The following NVL variants were observed in gnomAD, a reference collection of about 807,000 sequenced individuals.
The protein encoded by NVL is nuclear VCP like.
NVL carries 84 observed loss-of-function variants against 110.2 expected under a neutral mutation model. The observed-to-expected ratio is 0.76, with a 90% confidence interval of 0.64 to 0.91. The LOEUF (loss-of-function observed/expected upper bound fraction) is 0.91. NVL is among the 40% of genes least tolerant of loss of function. The pLI, the probability that NVL is intolerant of heterozygous loss-of-function variation, is 0.00. For missense variants in NVL, 882 were observed against 1,035.9 expected (o/e 0.85, Z 2.04); for synonymous variants, 354 against 361.1 (o/e 0.98, Z 0.22).
intron 19 of NVL, among the ~76,000 whole-genome samples, chr1:224,243,930 A>G (rs1558245258): frequency 6.6e-6 from 1 of 151,828 alleles, no homozygotes; most frequent in Non-Finnish European, 1.5e-5. Flanking sequence ...AAAGTGCTGG[A>G]TTACAGGCGT....
chr1:224,251,628 A>T (rs898341228), intron 18 of NVL, among the ~76,000 whole-genome samples: 7 of 152,182 alleles, frequency 4.6e-5, no homozygotes, highest in Non-Finnish European at 1.0e-4. Flanking sequence ...CGACAGAGCA[A>T]GACTCTTGTC....
At chr1:224,236,448 T>G in intron 20 of NVL, 58 bp downstream of exon 20, 1 of 1,335,076 alleles carries the variant, frequency 7.5e-7, no homozygotes, top group Non-Finnish European at 1.1e-6. Context: ...ACCCCTCATT[T>G]TATAGATGAG....
At chr1:224,307,797 A>G (rs1669087508) in intron 6 of NVL, among the ~76,000 whole-genome samples, 194 bp downstream of exon 6, 1 of 151,962 alleles carries the variant, frequency 6.6e-6, no homozygotes, top group Admixed American at 6.6e-5. Flanking sequence ...TGTTTCAATA[A>G]TTAAGTCAAG....
intron 19 of NVL, among the ~76,000 whole-genome samples, chr1:224,246,548 T>C (rs1164630120): frequency 2.6e-5 from 4 of 152,212 alleles, no homozygotes; most frequent in African/African-American, 9.6e-5. Flanking sequence ...TAGAAATAAA[T>C]ACCAATCCAA....
chr1:224,276,528 G>T lies in NVL; in HGVS notation c.1963-1070C>A, dbSNP rs566930647. Among the ~76,000 whole-genome samples the T allele has an allele frequency of 2.6e-5, 4 of 152,190 alleles. No individual in the cohort carries two copies. The South Asian group carries it at 8.3e-4, about 32-fold the overall frequency. On this transcript the variant is annotated intron_variant, in intron 16 of 22. Transcript: ENST00000281701. ...ACTGGGATTACAGGCATGAGCCACT[G>T]CCCCCGGCCTACAGTGCCAACTATT... is the stretch of plus-strand genomic sequence containing the variant.
At position 224,231,264 on chromosome 1, in the gene NVL, C is replaced by T. The variant is rs375107802; in HGVS notation, c.2488G>A (p.Glu830Lys). The T allele has an allele frequency of 4.5e-5, 73 of 1,612,644 alleles. No homozygotes were observed. The South Asian group carries it at 7.8e-4, about 17-fold the overall frequency. ...GATGATCTTACTTTCTTGAAAGCTT[C>T]TTCAAAATGCTTATGACTAACCTTG... ...ELKVSHKHFE[E>K]AFKKVRSSIS... The change falls in exon 22 of 23, where the codon GAA (glutamate) becomes AAA (lysine). Residue 830 changes from glutamate (E) to lysine (K), a missense_variant. Coordinates refer to ENST00000281701, the MANE Select transcript of NVL (RefSeq NM_002533.4).
At chr1:224,300,334 C>T (rs960453397) in intron 10 of NVL, among the ~76,000 whole-genome samples, 1 of 152,080 alleles carries the variant, frequency 6.6e-6, no homozygotes, top group Non-Finnish European at 1.5e-5. Context: ...AATTTCTCAC[C>T]AATTACATTT....
chr1:224,276,260 C>T (rs1431159470), intron 16 of NVL, among the ~76,000 whole-genome samples: 6 of 152,022 alleles, frequency 3.9e-5, no homozygotes, highest in Non-Finnish European at 7.4e-5. Context: ...TGTTTTAAGA[C>T]AGGGTCTCTC....
intron 18 of NVL, among the ~76,000 whole-genome samples, chr1:224,256,000 T>C (rs1177923817): frequency 6.6e-6 from 1 of 152,246 alleles, no homozygotes; most frequent in Non-Finnish European, 1.5e-5. Flanking sequence ...TGCATTGCCT[T>C]TGTGCTTTTT....
intron 2 of NVL, among the ~76,000 whole-genome samples, chr1:224,325,168 A>G (rs1348995075): frequency 6.6e-6 from 1 of 151,792 alleles, no homozygotes; most frequent in Non-Finnish European, 1.5e-5. Flanking sequence ...AGGCTGAGGC[A>G]GGAGAATCGC....
In NVL at chr1:224,305,232, T is replaced by A. The variant is rs151051334; in HGVS notation, c.616-66A>T. On this transcript the variant is annotated intron_variant, in intron 6 of 22. Coordinates refer to ENST00000281701, the MANE Select transcript of NVL (RefSeq NM_002533.4). ...CTATGCCAATAATTGTTTTACTTTT[T>A]AAAGAGGGGCATTGTAAAGAAAATT... 1.6e-3 allele frequency: 2,422 copies of A among 1,492,120 alleles called. 10 individuals are homozygous for A. The highest frequency in any genetic ancestry group is 0.014 in the African/African-American group (1,013 of 71,422). 92.4% of individuals were successfully genotyped at this position (1,492,120 alleles called of 1,614,324 possible).
Position 224,304,802 on chromosome 1 carries a change from C to T in NVL, c.759G>A (p.Arg253=), listed in dbSNP as rs1334997346. The T allele has an allele frequency of 3.1e-6, 5 of 1,613,822 alleles. No individual in the cohort carries two copies. The highest frequency in any genetic ancestry group is 4.2e-6 in the Non-Finnish European group (5 of 1,179,874). Residue 253 remains arginine, a synonymous_variant, in exon 8 of 23, where the codon AGG becomes AGA. Transcript: ENST00000281701. ...EAVLQKKAKA[R]GLEFQISNVK... is the part of the protein sequence containing the mutation. ...CGTTGGAGATCTGGAATTCTAACCC[C>T]CTGGCTTTAGCTGGTAAACAAAAAT...
At chr1:224,259,348 C>T (rs1044321765) in intron 18 of NVL, among the ~76,000 whole-genome samples, 13 of 152,104 alleles carry the variant, frequency 8.5e-5, no homozygotes, top group Non-Finnish European at 1.6e-4. Context: ...GCCTCAGCCT[C>T]CCAAAGTGCT....
At chr1:224,282,716 A>G (rs1666488388) in intron 15 of NVL, among the ~76,000 whole-genome samples, 1 of 152,192 alleles carries the variant, frequency 6.6e-6, no homozygotes, top group African/African-American at 2.4e-5. Flanking sequence ...CTTGGATTGC[A>G]CAAGCATTTC....
At chr1:224,288,176 G>C (rs972368309) in intron 13 of NVL, among the ~76,000 whole-genome samples, 183 bp from the exon 14 acceptor site, 1 of 152,122 alleles carries the variant, frequency 6.6e-6, no homozygotes, top group African/African-American at 2.4e-5. Flanking sequence ...AGGATCATAT[G>C]CTCTGGTCAA....
intron 12 of NVL, among the ~76,000 whole-genome samples, chr1:224,291,679 T>C (rs942264795): frequency 6.6e-6 from 1 of 152,228 alleles, no homozygotes; most frequent in Admixed American, 6.5e-5. Context: ...CTCTTCGACT[T>C]ACCATGAGTT....
chr1:224,235,199 G>A (rs1009228852), intron 20 of NVL, among the ~76,000 whole-genome samples: 16 of 151,780 alleles, frequency 1.1e-4, no homozygotes, highest in Admixed American at 2.6e-4. Context: ...ATGGAGTGTC[G>A]CTCTGTTGCC....
chr1:224,291,812 T>G (rs1195505235), intron 12 of NVL, among the ~76,000 whole-genome samples: 1 of 152,228 alleles, frequency 6.6e-6, no homozygotes, highest in East Asian at 1.9e-4. Context: ...TTTTGGATGT[T>G]GTGAAAATGG....
chr1:224,304,827 TGAG>T lies in NVL; in HGVS notation c.749-18_749-16del. ...CCTGGCTTTAGCTGGTAAACAAAAATGAGGAGATGAAAAGATTAATGATTCAGT... is the reference window on the plus strand; with the variant it reads ...CCTGGCTTTAGCTGGTAAACAAAAATGAGATGAAAAGATTAATGATTCAGT... On this transcript the variant is annotated splice_polypyrimidine_tract_variant and intron_variant, in intron 7 of 22. Transcript: ENST00000281701. 2 of 1,607,966 alleles carry T rather than the reference TGAG, an allele frequency of 1.2e-6. No homozygotes were observed. Among genetic ancestry groups the T allele is most frequent in the East Asian group, 2.2e-5 (1 of 44,838 alleles).
Sources: allele counts gnomAD v4.1 joint callset (sites outside exome capture counted in the v4.1 genomes callset), GRCh38; gene constraint gnomAD v4.1.1; transcripts MANE v1.5; gene names NCBI Gene and HGNC (gene_info 2026-07-23, HGNC 2026-07-21).